ATP8A1: variants seen among roughly 807,000 people sequenced by gnomAD.
The protein encoded by ATP8A1 is ATPase phospholipid transporting 8A1.
In ATP8A1, 90 loss-of-function variants were observed where a neutral mutation model predicts 177.7. The ratio of observed to expected loss-of-function variants is 0.51; its 90% CI spans 0.43 to 0.60. The LOEUF is 0.60. ATP8A1 is among the 20% of genes least tolerant of loss of function. ATP8A1 has a pLI of 0.00. For missense variants in ATP8A1, 1,072 were observed against 1,392.8 expected (o/e 0.77, Z 3.67); for synonymous variants, 493 against 485.9 (o/e 1.01, Z -0.19).
At chr4:42,654,425 G>C (rs1015584371) in intron 1 of ATP8A1, among the ~76,000 whole-genome samples, 1 of 152,164 alleles carries the variant, frequency 6.6e-6, no homozygotes, top group Non-Finnish European at 1.5e-5. Context: ...GGGGGGAAAA[G>C]AGCTTATTTT....
intron 27 of ATP8A1, among the ~76,000 whole-genome samples, chr4:42,460,892 G>A (rs1440135570): frequency 2.0e-5 from 3 of 152,142 alleles, no homozygotes; most frequent in Non-Finnish European, 2.9e-5. Context: ...ACATGAAACT[G>A]ATAACACCTA....
At chr4:42,605,246 C>T (rs1735678910) in intron 5 of ATP8A1, among the ~76,000 whole-genome samples, 1 of 152,106 alleles carries the variant, frequency 6.6e-6, no homozygotes, top group African/African-American at 2.4e-5. Context: ...TTAAAATAGA[C>T]ATCTCAGTTT....
At chr4:42,477,512 AAG>A (rs1417513792) in intron 25 of ATP8A1, among the ~76,000 whole-genome samples, 7 of 152,144 alleles carry the variant, frequency 4.6e-5, no homozygotes, top group African/African-American at 7.2e-5. Context: ...CTCCCCATGT[AAG>A]AGTTTTCTCC....
chr4:42,474,131 T>A (rs1224631593), intron 25 of ATP8A1, among the ~76,000 whole-genome samples: 1 of 152,108 alleles, frequency 6.6e-6, no homozygotes, highest in Non-Finnish European at 1.5e-5. Context: ...TCTGAAGATG[T>A]CAGGAGTTAA....
chr4:42,570,249 T>C (rs1731770968), intron 14 of ATP8A1, among the ~76,000 whole-genome samples: 1 of 152,194 alleles, frequency 6.6e-6, no homozygotes. Flanking sequence ...TGGTCCCTTT[T>C]AACTCACTAT....
At chr4:42,466,614 T>A (rs900467488) in intron 25 of ATP8A1, among the ~76,000 whole-genome samples, 7 of 152,232 alleles carry the variant, frequency 4.6e-5, no homozygotes, top group African/African-American at 1.4e-4. Flanking sequence ...CAATACATGG[T>A]TGCTATACGA....
intron 20 of ATP8A1, among the ~76,000 whole-genome samples, chr4:42,542,588 C>T (rs936841109): frequency 6.6e-6 from 1 of 152,126 alleles, no homozygotes. Flanking sequence ...TGCTATCCCT[C>T]CCTCAGCCCC....
Position 42,436,429 on chromosome 4 carries a change from G to A in ATP8A1, c.3123+7136C>T, listed in dbSNP as rs1432467489. Among the ~76,000 whole-genome samples, 6 of 152,366 alleles carry A rather than the reference G, an allele frequency of 3.9e-5. No individual in the cohort carries two copies. The East Asian group carries it at 9.6e-4, about 24-fold the overall frequency. On this transcript the variant is annotated intron_variant, in intron 33 of 36. Coordinates refer to ENST00000381668, the MANE Select transcript of ATP8A1 (RefSeq NM_006095.2). ...CTCTCACTGTAAAGTGTATGCAGAT[G>A]TTCAGAGGTCCTGATTCACGATTAC... is the stretch of plus-strand genomic sequence containing the variant.
chr4:42,524,658 A>G, intron 21 of ATP8A1, 105 bp downstream of exon 21: 1 of 631,902 alleles, frequency 1.6e-6, no homozygotes, highest in Non-Finnish European at 2.6e-6. Context: ...CTGATATCTT[A>G]CTTTAGGAAT....
In ATP8A1 at chr4:42,656,905, C is replaced by G; in HGVS notation, c.-32G>C. ...GGCGGCTGCAGGTGGGTCCTCAGCC[C>G]GGACTCTGCACCTGTCACGGCGTGG... On this transcript the variant is annotated 5_prime_UTR_variant, in exon 1 of 37. Coordinates refer to ENST00000381668, the MANE Select transcript of ATP8A1 (RefSeq NM_006095.2). 1.9e-6 allele frequency: 3 copies of G among 1,556,550 alleles called. No homozygotes were observed. The highest frequency in any genetic ancestry group is 1.2e-5 in the South Asian group (1 of 84,092).
chr4:42,646,243 T>C (rs954975456), intron 1 of ATP8A1, among the ~76,000 whole-genome samples: 4 of 152,200 alleles, frequency 2.6e-5, no homozygotes, highest in African/African-American at 9.7e-5. Context: ...AACCAGCATC[T>C]TGTCCTGCCA....
chr4:42,503,527 A>G lies in ATP8A1; in HGVS notation c.2087-13T>C, dbSNP rs752186368. 1.9e-6 allele frequency: 3 copies of G among 1,553,360 alleles called. No individual in the cohort carries two copies. The highest frequency in any genetic ancestry group is 1.8e-6 in the Non-Finnish European group (2 of 1,133,666). On this transcript the variant is annotated splice_polypyrimidine_tract_variant and intron_variant, in intron 23 of 36. Coordinates refer to ENST00000381668, the MANE Select transcript of ATP8A1 (RefSeq NM_006095.2). Reference sequence around the variant, plus strand: ...TTGCAGGAGTGTCCTGTATCCAAACACAGAGTATATTAAAATTAATTTCTC... The same window carrying G: ...TTGCAGGAGTGTCCTGTATCCAAACGCAGAGTATATTAAAATTAATTTCTC...
At chr4:42,625,480 T>C (rs774527097) in intron 3 of ATP8A1, 134 bp downstream of exon 3, 3 of 527,878 alleles carry the variant, frequency 5.7e-6, no homozygotes, top group Non-Finnish European at 1.0e-5. Context: ...CCAACACTGC[T>C]TGCAGCAGGA....
At chr4:42,457,334 G>A (rs146038079) in intron 27 of ATP8A1, among the ~76,000 whole-genome samples, 64 of 152,270 alleles carry the variant, frequency 4.2e-4, no homozygotes, top group African/African-American at 1.4e-3. Flanking sequence ...TGTGGATTAT[G>A]TAAATACATA....
At chr4:42,635,784 T>C (rs190649038) in intron 1 of ATP8A1, among the ~76,000 whole-genome samples, 3,138 of 53,310 alleles carry the variant, frequency 0.059, 133 homozygotes, top group East Asian at 0.3. Context: ...CACACACACA[T>C]ATATATATAT....
intron 14 of ATP8A1, among the ~76,000 whole-genome samples, chr4:42,569,425 T>G (rs1731691332): frequency 6.6e-6 from 1 of 152,234 alleles, no homozygotes; most frequent in Non-Finnish European, 1.5e-5. Context: ...TGTAACTGTA[T>G]AGCCAATTTG....
At chr4:42,502,782 T>A (rs1185840093) in intron 24 of ATP8A1, among the ~76,000 whole-genome samples, 1 of 152,252 alleles carries the variant, frequency 6.6e-6, no homozygotes, top group Non-Finnish European at 1.5e-5. Flanking sequence ...ATAATGACTA[T>A]TTTAAGAAGT....
intron 10 of ATP8A1, 33 bp from the exon 11 acceptor site, chr4:42,580,011 T>C (rs1276326535): frequency 4.0e-6 from 6 of 1,513,060 alleles, no homozygotes; most frequent in African/African-American, 1.4e-5. Flanking sequence ...TAATAAAAAA[T>C]GTACACCAAT....
At chr4:42,635,601 A>C (rs1290507714) in intron 1 of ATP8A1, among the ~76,000 whole-genome samples, 1 of 151,686 alleles carries the variant, frequency 6.6e-6, no homozygotes, top group Non-Finnish European at 1.5e-5. Context: ...GTTAGGTACT[A>C]CTAAGATGGA....
Sources: gnomAD v4.1 joint callset for allele counts (sites outside exome capture counted in the v4.1 genomes callset) on GRCh38, gnomAD v4.1.1 for gene constraint, MANE v1.5 for transcripts, NCBI Gene and HGNC (gene_info 2026-07-23, HGNC 2026-07-21) for gene names.